Variants in PHF24 observed in about 807,000 individuals in gnomAD.
PHF24 encodes Galpha inhibitory interacting protein.
In PHF24, 25 loss-of-function variants were observed where a neutral mutation model predicts 42.6. That is an observed-to-expected ratio of 0.59 (90% CI 0.43 to 0.82). The LOEUF is 0.82. Ranked by LOEUF, PHF24 falls within the 40% of genes least tolerant of loss-of-function variation. PHF24 has a pLI of 0.00. For synonymous variants in PHF24, 185 were observed against 204.8 expected (o/e 0.90, Z 0.83); for missense variants, 470 against 538.1 (o/e 0.87, Z 1.25).
intron 1 of PHF24, among the ~76,000 whole-genome samples, chr9:34,964,361 T>C (rs975799710): frequency 1.3e-5 from 2 of 152,130 alleles, no homozygotes; most frequent in African/African-American, 4.8e-5. Context: ...CTGGGTAACA[T>C]AGTGAGACCC....
At chr9:34,699,690 AAAT>A in the PHF24 span, among the ~76,000 whole-genome samples, 4 of 152,328 alleles carry the variant, frequency 2.6e-5, no homozygotes, top group African/African-American at 9.6e-5. Context: ...TGAAATAATG[AAAT>A]AATAATAAAG....
At chr9:34,866,021 A>T in the PHF24 span, among the ~76,000 whole-genome samples, 13 of 152,360 alleles carry the variant, frequency 8.5e-5, no homozygotes, top group Non-Finnish European at 1.5e-4. Context: ...GCCCTATTCA[A>T]TTGGTCAAAG....
chr9:34,915,026 C>CTTTTTTTTTTTTTTT, the PHF24 span, among the ~76,000 whole-genome samples: 5 of 37,452 alleles, frequency 1.3e-4, no homozygotes, highest in African/African-American at 2.4e-4. Flanking sequence ...TTTTTCTTTT[C>CTTTTTTTTTTTTTTT]TTTTTTTTTT....
At chr9:34,825,107 G>A in the PHF24 span, among the ~76,000 whole-genome samples, 1 of 152,010 alleles carries the variant, frequency 6.6e-6, no homozygotes, top group South Asian at 2.1e-4. Context: ...CCAGGACCTG[G>A]TTCTTCATGG....
chr9:34,737,021 A>T, the PHF24 span, among the ~76,000 whole-genome samples: 1 of 152,004 alleles, frequency 6.6e-6, no homozygotes, highest in Non-Finnish European at 1.5e-5. Context: ...AACTGAACCC[A>T]TATTTTAAAA....
the PHF24 span, among the ~76,000 whole-genome samples, chr9:34,909,927 G>A: frequency 3.0e-4 from 46 of 152,248 alleles, no homozygotes; most frequent in African/African-American, 1.1e-3. Context: ...GCGCCCAGCC[G>A]AAGAAATCCT....
chr9:34,922,361 T>G, the PHF24 span: 2 of 1,518,572 alleles, frequency 1.3e-6, no homozygotes, highest in Non-Finnish European at 1.8e-6. Flanking sequence ...GAGAGCAGGC[T>G]TTCTCTGGGG....
chr9:34,730,343 T>C, the PHF24 span, among the ~76,000 whole-genome samples: 1 of 152,212 alleles, frequency 6.6e-6, no homozygotes, highest in Non-Finnish European at 1.5e-5. Context: ...CTTTTGTAGA[T>C]ATTGTGATAT....
At chr9:34,922,069 T>C in the PHF24 span, 1 of 922,422 alleles carries the variant, frequency 1.1e-6, no homozygotes, top group Non-Finnish European at 1.7e-6. Context: ...GAAATTCAAA[T>C]AGAAGTAACA....
chr9:34,866,337 T>C, the PHF24 span, among the ~76,000 whole-genome samples: 1 of 152,166 alleles, frequency 6.6e-6, no homozygotes, highest in Admixed American at 6.6e-5. Flanking sequence ...GTGTGCTTTT[T>C]CCCTCCTCGT....
the PHF24 span, among the ~76,000 whole-genome samples, chr9:34,745,312 G>T: frequency 6.6e-6 from 1 of 152,160 alleles, no homozygotes; most frequent in Non-Finnish European, 1.5e-5. Context: ...ATGGTCAAGA[G>T]GACCAACAGA....
chr9:34,678,872 C>T, the PHF24 span, among the ~76,000 whole-genome samples: 21 of 152,192 alleles, frequency 1.4e-4, no homozygotes, highest in Admixed American at 4.6e-4. Flanking sequence ...TCAGGCGATC[C>T]GTCTGCCTTG....
chr9:34,826,449 G>C, the PHF24 span, among the ~76,000 whole-genome samples: 1 of 152,206 alleles, frequency 6.6e-6, no homozygotes, highest in African/African-American at 2.4e-5. Flanking sequence ...TTAAGCAGCA[G>C]AGGCCCAGCC....
the PHF24 span, among the ~76,000 whole-genome samples, chr9:34,938,450 A>G: frequency 8.5e-5 from 13 of 152,232 alleles, no homozygotes; most frequent in Admixed American, 2.6e-4. Flanking sequence ...AGAGTAAGGG[A>G]AAATGAAGCA....
the PHF24 span, among the ~76,000 whole-genome samples, chr9:34,808,963 A>C: frequency 6.6e-6 from 1 of 151,816 alleles, no homozygotes; most frequent in Admixed American, 6.6e-5. Flanking sequence ...GGTACAGCGC[A>C]CCAGCATGTC....
chr9:34,824,246 G>T, the PHF24 span, among the ~76,000 whole-genome samples: 46,097 of 152,064 alleles, frequency 0.3, 7,809 homozygotes, highest in East Asian at 0.55. Flanking sequence ...GAGTCTGGGG[G>T]CATGGCTGTT....
At chr9:34,715,583 G>A in the PHF24 span, among the ~76,000 whole-genome samples, 4 of 152,170 alleles carry the variant, frequency 2.6e-5, no homozygotes, top group African/African-American at 9.7e-5. Context: ...TGAAGATGTT[G>A]GCTTGGTGAG....
chr9:34,703,244 G>A, the PHF24 span, among the ~76,000 whole-genome samples: 2 of 151,726 alleles, frequency 1.3e-5, no homozygotes, highest in African/African-American at 2.4e-5. Flanking sequence ...GTGTGACCTC[G>A]GCTCACAGCA....
At chr9:34,739,397 C>G in the PHF24 span, among the ~76,000 whole-genome samples, 7 of 152,144 alleles carry the variant, frequency 4.6e-5, no homozygotes, top group Non-Finnish European at 7.3e-5. Flanking sequence ...AGCAGTTCCC[C>G]TTCTGGGAAT....
Sources: allele counts gnomAD v4.1 joint callset (sites outside exome capture counted in the v4.1 genomes callset), GRCh38; gene constraint gnomAD v4.1.1; transcripts MANE v1.5; gene names NCBI Gene and HGNC (gene_info 2026-07-23, HGNC 2026-07-21).